Variants in MPP7 observed in about 807,000 individuals in gnomAD.
MPP7 encodes MAGUK p55 scaffold protein 7, also known as MAGUK p55 subfamily member 7.
MPP7 carries 60 observed loss-of-function variants against 76.5 expected under a neutral mutation model. The ratio of observed to expected loss-of-function variants is 0.78; its 90% CI spans 0.64 to 0.97. The LOEUF (loss-of-function observed/expected upper bound fraction) is 0.97, where lower values mean the gene tolerates loss of function less well. MPP7 is among the 50% of genes least tolerant of loss of function. The pLI is 0.00. For missense variants in MPP7, 641 were observed against 694.0 expected (o/e 0.92, Z 0.86); for synonymous variants, 237 against 244.5 (o/e 0.97, Z 0.29).
chr10:28,109,848 CAAAAAAAAAA>C (rs869206744), intron 11 of MPP7, among the ~76,000 whole-genome samples: 20 of 19,222 alleles, frequency 1.0e-3, no homozygotes, highest in African/African-American at 4.2e-3. Context: ...GCCGCAGACG[CAAAAAAAAAA>C]AAAAAAAAAA....
intron 1 of MPP7, among the ~76,000 whole-genome samples, chr10:28,264,516 G>T (rs1019249729): frequency 2.0e-5 from 3 of 151,742 alleles, no homozygotes; most frequent in Non-Finnish European, 1.5e-5. Context: ...TGTCTGCCTT[G>T]GTCACAAAAT....
At chr10:28,111,266 A>T (rs1834498126) in intron 11 of MPP7, among the ~76,000 whole-genome samples, 1 of 152,204 alleles carries the variant, frequency 6.6e-6, no homozygotes, top group African/African-American at 2.4e-5. Context: ...CAAAGGAAAA[A>T]ACAAATGTAT....
At chr10:28,212,510 T>A (rs760477033) in intron 2 of MPP7, among the ~76,000 whole-genome samples, 1 of 152,160 alleles carries the variant, frequency 6.6e-6, no homozygotes, top group Non-Finnish European at 1.5e-5. Flanking sequence ...GGTCAGCAGG[T>A]CACCAGACTG....
chr10:28,333,703 C>A (rs1834490371), intron 1 of MPP7, among the ~76,000 whole-genome samples: 1 of 152,176 alleles, frequency 6.6e-6, no homozygotes, highest in East Asian at 1.9e-4. Flanking sequence ...TTGCAGGAAA[C>A]AGTTTCCATT....
At chr10:28,318,141 G>C (rs1275980158) in intron 2 of MPP7, among the ~76,000 whole-genome samples, 1 of 152,138 alleles carries the variant, frequency 6.6e-6, no homozygotes, top group Non-Finnish European at 1.5e-5. Flanking sequence ...ACTACCATGG[G>C]AAATCATGAT....
intron 3 of MPP7, among the ~76,000 whole-genome samples, chr10:28,193,406 G>T (rs1306489380): frequency 6.6e-6 from 1 of 152,010 alleles, no homozygotes; most frequent in Non-Finnish European, 1.5e-5. Flanking sequence ...TGGAGACGGG[G>T]TTTCACCATG....
Position 28,113,324 on chromosome 10 carries a change from G to A in MPP7, c.952+6327C>T, listed in dbSNP as rs565749827. Reference sequence around the variant, plus strand: ...ACTCCCCTCTTCCTGTTGGCCCTGCGAGGTATACTGCTCTCCTCTCTGGGA... The same window carrying A: ...ACTCCCCTCTTCCTGTTGGCCCTGCAAGGTATACTGCTCTCCTCTCTGGGA... On this transcript the variant is annotated intron_variant, in intron 11 of 16. Coordinates refer to ENST00000683449, the MANE Select transcript of MPP7 (RefSeq NM_001318170.2). Among the ~76,000 whole-genome samples the A allele has an allele frequency of 6.3e-4, 96 of 152,218 alleles. 1 individual carries two copies. The highest frequency in any genetic ancestry group is 1.9e-3 in the African/African-American group (80 of 41,524).
At chr10:28,305,397 A>G (rs1436381207), upstream of MPP7, 3 of 151,764 alleles carry the variant, frequency 2.0e-5, no homozygotes, top group Non-Finnish European at 4.4e-5. Flanking sequence ...TTCCTTTTTC[A>G]GAGTCACCAG....
intron 11 of MPP7, among the ~76,000 whole-genome samples, chr10:28,103,347 T>C (rs990406559): frequency 2.0e-5 from 3 of 151,410 alleles, no homozygotes; most frequent in Admixed American, 6.6e-5. Context: ...CCTGTGCACA[T>C]GGATCCTGTC....
intron 1 of MPP7, among the ~76,000 whole-genome samples, chr10:28,291,041 T>C (rs756223780): frequency 6.6e-6 from 1 of 152,190 alleles, no homozygotes; most frequent in Non-Finnish European, 1.5e-5. Flanking sequence ...ACAATGTCCA[T>C]GGAGAAGAAG....
intron 3 of MPP7, among the ~76,000 whole-genome samples, chr10:28,188,178 A>C (rs1837297263): frequency 6.6e-6 from 1 of 152,188 alleles, no homozygotes; most frequent in African/African-American, 2.4e-5. Context: ...ATAAACTCCC[A>C]CCAAGTGTCA....
intron 1 of MPP7, among the ~76,000 whole-genome samples, chr10:28,244,087 C>T (rs1357119920): frequency 6.6e-6 from 1 of 152,116 alleles, no homozygotes; most frequent in Non-Finnish European, 1.5e-5. Flanking sequence ...TCCGTATGGT[C>T]TCAACCTAAA....
At chr10:28,154,166 T>C (rs1006740789) in intron 3 of MPP7, among the ~76,000 whole-genome samples, 9 of 152,176 alleles carry the variant, frequency 5.9e-5, no homozygotes, top group African/African-American at 1.9e-4. Context: ...AACAAGTCCA[T>C]GGATGGTTAC....
intron 1 of MPP7, among the ~76,000 whole-genome samples, chr10:28,261,605 A>C (rs1839951644): frequency 6.6e-6 from 1 of 152,170 alleles, no homozygotes; most frequent in South Asian, 2.1e-4. Context: ...CCCAGAGTAC[A>C]CAGAGTGTGG....
chr10:28,184,603 T>C (rs1298809673), intron 3 of MPP7, among the ~76,000 whole-genome samples: 5 of 149,364 alleles, frequency 3.3e-5, no homozygotes, highest in Admixed American at 1.3e-4. Context: ...AGCTACTCGG[T>C]AGGCTGACAC....
chr10:28,279,089 G>T (rs550303891), intron 1 of MPP7, among the ~76,000 whole-genome samples: 2 of 152,114 alleles, frequency 1.3e-5, no homozygotes, highest in South Asian at 4.1e-4. Context: ...GGCATAATTA[G>T]CAGATCTAAA....
intron 1 of MPP7, among the ~76,000 whole-genome samples, chr10:28,247,612 G>A (rs896528294): frequency 2.6e-5 from 4 of 152,160 alleles, no homozygotes; most frequent in Admixed American, 2.0e-4. Context: ...ACTTATCTGT[G>A]TATGAGCTTA....
In MPP7 at chr10:28,125,013, T is replaced by C. The variant is rs375384294; in HGVS notation, c.526A>G (p.Ser176Gly). The change falls in exon 7 of 17, where the codon AGT becomes GGT. Residue 176 changes from serine (S) to glycine (G), a missense_variant. Transcript: ENST00000683449. ...RIMRGGAADRSGLIHVGDELR... is the reference protein window; with the variant it reads ...RIMRGGAADRGGLIHVGDELR... Reference sequence around the variant, plus strand: ...TGGTTAACATTTAAAGTCTCACCACTTCTATCTGCAGCTCCTCCTCTCATG... The same window carrying C: ...TGGTTAACATTTAAAGTCTCACCACCTCTATCTGCAGCTCCTCCTCTCATG... 1 of 1,613,752 alleles carries C rather than the reference T, an allele frequency of 6.2e-7. No homozygotes were observed. Among genetic ancestry groups the C allele is most frequent in the Non-Finnish European group, 8.5e-7 (1 of 1,179,780 alleles).
At chr10:28,234,231 C>A in intron 2 of MPP7, among the ~76,000 whole-genome samples, 1 of 152,078 alleles carries the variant, frequency 6.6e-6, no homozygotes, top group East Asian at 1.9e-4. Flanking sequence ...ATCAAGGAAG[C>A]CAACTCAAAG....
Sources: gnomAD v4.1 joint callset for allele counts (sites outside exome capture counted in the v4.1 genomes callset) on GRCh38, gnomAD v4.1.1 for gene constraint, MANE v1.5 for transcripts, NCBI Gene and HGNC (gene_info 2026-07-23, HGNC 2026-07-21) for gene names.